MFSD2B: variants seen among roughly 807,000 people sequenced by gnomAD.
MFSD2B encodes MFSD2 lysolipid transporter B, sphingolipid, also known as sphingosine-1-phosphate transporter MFSD2B.
In MFSD2B, 56 loss-of-function variants were observed where a neutral mutation model predicts 58.4. The ratio of observed to expected loss-of-function variants is 0.96; its 90% CI spans 0.77 to 1.20. The LOEUF (loss-of-function observed/expected upper bound fraction) is 1.20, where lower values mean the gene tolerates loss of function less well. Among genes scored for constraint, MFSD2B ranks in the 50% most tolerant of loss-of-function variants. The probability of loss-of-function intolerance (pLI) is 0.00; values close to 1 mark genes in which losing one functional copy is unlikely to be tolerated. For synonymous variants in MFSD2B, 287 were observed against 294.4 expected, an observed-to-expected ratio of 0.97 and a Z score of 0.26; for missense variants, 645 against 667.6, an observed-to-expected ratio of 0.97 and a Z score of 0.37.
Position 24,011,178 on chromosome 2 carries a change from C to A in MFSD2B, c.96+986C>A, listed in dbSNP as rs149347966. On this transcript the variant is annotated intron_variant, in intron 1 of 13. Transcript: ENST00000338315. The stretch of plus-strand genomic sequence containing the variant: ...GAGCCGCCCCTCCCAAGGGGCTTCT[C>A]CTTGTACAGCTCACTGTACAGCTGT... 2.4e-4 allele frequency among the ~76,000 whole-genome samples: 37 copies of A among 152,304 alleles called. 1 individual carries two copies. Among genetic ancestry groups the A allele is most frequent in the African/African-American group, 8.7e-4 (36 of 41,564 alleles).
At chr2:24,019,005 C>T (rs1254023749) in intron 6 of MFSD2B, among the ~76,000 whole-genome samples, 1 of 152,084 alleles carries the variant, frequency 6.6e-6, no homozygotes, top group African/African-American at 2.4e-5. Context: ...CATGCGCCAC[C>T]ACGCCTGGCT....
chr2:24,016,137 C>T lies in MFSD2B; in HGVS notation c.223-19C>T. 1 of 1,612,658 alleles carries T rather than the reference C, an allele frequency of 6.2e-7. No homozygotes were observed. Among genetic ancestry groups the T allele is most frequent in the Non-Finnish European group, 8.5e-7 (1 of 1,179,772 alleles). ...GCTGCTGGGCCTCAGCTCTCTATCC[C>T]CTCCCCTGTCTGTTTCAGATCCCTG... On this transcript the variant is annotated intron_variant, in intron 2 of 13. Transcript: ENST00000338315.
At chr2:24,010,572 GTGGCCTCGGCCTCCCTCCCAGACCC>G (rs1397171804) in intron 1 of MFSD2B, among the ~76,000 whole-genome samples, 6 of 152,198 alleles carry the variant, frequency 3.9e-5, no homozygotes, top group Non-Finnish European at 7.3e-5. Context: ...GGCAGCTGCT[GTGGCCTCGGCCTCCCTCCCAGACCC>G]TGGCCTCGCC....
In MFSD2B at chr2:24,021,662, C is replaced by G; in HGVS notation, c.696C>G (p.Cys232Trp). ...TVSPNAAHLY[C>W]IAAAVVVVTY... is the part of the protein sequence containing the mutation. ...CTGTCCCACAGGCCCATCTCTACTG[C>G]ATTGCGGCTGCCGTGGTTGTAGTGA... Residue 232 changes from cysteine to tryptophan, a missense_variant, in exon 7 of 14, where the codon TGC (cysteine) becomes TGG (tryptophan). Coordinates refer to ENST00000338315, the MANE Select transcript of MFSD2B (RefSeq NM_001346880.2). The surrounding 1 kb of genome is among the most constrained non-coding windows in gnomAD (Gnocchi z 5.7). 6.2e-7 allele frequency: 1 copy of G among 1,613,136 alleles called. No homozygotes were observed. The highest frequency in any genetic ancestry group is 8.5e-7 in the Non-Finnish European group (1 of 1,179,556).
chr2:24,014,354 A>C (rs954620458), intron 2 of MFSD2B, among the ~76,000 whole-genome samples: 2 of 152,082 alleles, frequency 1.3e-5, no homozygotes, highest in Non-Finnish European at 2.9e-5. Flanking sequence ...GGGTTTCGCC[A>C]TGTTGGCCAG....
chr2:24,016,018 G>A, intron 2 of MFSD2B, 138 bp from the exon 3 acceptor site: 3 of 1,063,790 alleles, frequency 2.8e-6, no homozygotes, highest in Non-Finnish European at 4.2e-6. Flanking sequence ...TCCTGGGGAA[G>A]GCTGAGGAGC....
intron 6 of MFSD2B, among the ~76,000 whole-genome samples, chr2:24,019,313 C>T (rs1482142075): frequency 3.9e-5 from 6 of 152,092 alleles, no homozygotes; most frequent in Middle Eastern, 3.2e-3. Flanking sequence ...TTCTAGGGAC[C>T]GGGCCCAGCA....
Position 24,022,111 on chromosome 2 carries a change from G to C in MFSD2B, c.894+141G>C. ...GCTCAGAGGGGCTGGTGCCGGGAGGGAGATCCCGGTAGGGCTTGTGGGAAT... is the reference window on the plus strand; with the variant it reads ...GCTCAGAGGGGCTGGTGCCGGGAGGCAGATCCCGGTAGGGCTTGTGGGAAT... On this transcript the variant is annotated intron_variant, in intron 8 of 13. Transcript: ENST00000338315. This position sits in a 1 kb window ranked among gnomAD's most constrained non-coding sequence, Gnocchi z 4.5. 1 of 1,026,338 alleles carries C rather than the reference G, an allele frequency of 9.7e-7. No homozygotes were observed. Among genetic ancestry groups the C allele is most frequent in the Non-Finnish European group, 1.4e-6 (1 of 691,904 alleles). The allele number at this position is 1,026,338 out of a possible 1,614,324, so 63.6% of individuals were successfully genotyped here. A position where few individuals can be genotyped will look rare whatever the true frequency, so the allele number is the denominator to read the frequency against.
intron 2 of MFSD2B, among the ~76,000 whole-genome samples, chr2:24,014,857 C>G (rs910125521): frequency 2.0e-5 from 3 of 152,154 alleles, no homozygotes; most frequent in Non-Finnish European, 4.4e-5. Flanking sequence ...TGGTGGCTCA[C>G]AGCTGTAATC....
At position 24,023,429 on chromosome 2, in the gene MFSD2B, G is replaced by A. The variant is rs1178459071; in HGVS notation, c.1170-154G>A. ...GGGGCCGGCAGGGGGCTGGCGGGGG[G>A]TACGAGCACACAGGCCATCTGCTTC... On this transcript the variant is annotated intron_variant, in intron 11 of 13. Coordinates refer to ENST00000338315, the MANE Select transcript of MFSD2B (RefSeq NM_001346880.2). This position sits in a 1 kb window ranked among gnomAD's most constrained non-coding sequence, Gnocchi z 5.0. 4 of 977,702 alleles carry A rather than the reference G, an allele frequency of 4.1e-6. No individual in the cohort carries two copies. In the Admixed American group the frequency reaches 9.2e-5, roughly 23 times the overall value. The allele number at this position is 977,702 out of a possible 1,614,324, so 60.6% of individuals were successfully genotyped here. A position where few individuals can be genotyped will look rare whatever the true frequency, so the allele number is the denominator to read the frequency against.
intron 2 of MFSD2B, among the ~76,000 whole-genome samples, chr2:24,015,785 T>C (rs748206859): frequency 1.6e-4 from 25 of 151,564 alleles, no homozygotes; most frequent in Non-Finnish European, 3.1e-4. Context: ...AGAATGTTTT[T>C]CTAATGAGTG....
Position 24,021,496 on chromosome 2 carries a change from G to T in MFSD2B, c.682-152G>T. 1 of 667,704 alleles carries T rather than the reference G, an allele frequency of 1.5e-6. No individual in the cohort carries two copies. 41.4% of individuals were successfully genotyped at this position (667,704 alleles called of 1,614,324 possible). On this transcript the variant is annotated intron_variant, in intron 6 of 13. Coordinates refer to ENST00000338315, the MANE Select transcript of MFSD2B (RefSeq NM_001346880.2). The surrounding 1 kb of genome is among the most constrained non-coding windows in gnomAD (Gnocchi z 5.7). Reference sequence around the variant, plus strand: ...CCGGGCCCGGAGAGCATGCTGTCCTGTGGGGTGATTGGGAGGTGGGGACCC... The same window carrying T: ...CCGGGCCCGGAGAGCATGCTGTCCTTTGGGGTGATTGGGAGGTGGGGACCC...
chr2:24,022,088 T>C lies in MFSD2B; in HGVS notation c.894+118T>C. On this transcript the variant is annotated intron_variant, in intron 8 of 13. Coordinates refer to ENST00000338315, the MANE Select transcript of MFSD2B (RefSeq NM_001346880.2). The surrounding 1 kb of genome is among the most constrained non-coding windows in gnomAD (Gnocchi z 4.5). ...GAGAAACCTGCGGCTGGCACATGGCTCAGAGGGGCTGGTGCCGGGAGGGAG... is the reference window on the plus strand; with the variant it reads ...GAGAAACCTGCGGCTGGCACATGGCCCAGAGGGGCTGGTGCCGGGAGGGAG... The C allele has an allele frequency of 8.1e-7, 1 of 1,227,054 alleles. No individual in the cohort carries two copies. Among genetic ancestry groups the C allele is most frequent in the South Asian group, 1.4e-5 (1 of 73,840 alleles). The allele number at this position is 1,227,054 out of a possible 1,614,324, so 76.0% of individuals were successfully genotyped here.
At position 24,022,897 on chromosome 2, in the gene MFSD2B, A is replaced by T. The variant is rs2150942531; in HGVS notation, c.1054A>T (p.Ile352Phe). The change falls in exon 10 of 14, where the codon ATC becomes TTC. Residue 352 changes from isoleucine (I) to phenylalanine (F), a missense_variant. Ile to Phe is a conservative substitution (Grantham distance 21). Transcript: ENST00000338315. The surrounding 1 kb of genome is among the most constrained non-coding windows in gnomAD (Gnocchi z 4.5). Reference protein sequence around the residue: ...RFGKKTSAFGIFAMVPFAILL... With the variant: ...RFGKKTSAFGFFAMVPFAILL... ...TGGGAAGAAGACGTCAGCCTTTGGG[A>T]TCTTTGTGAGTGAGGCGGGAATCAA... 2 of 1,609,944 alleles carry T rather than the reference A, an allele frequency of 1.2e-6. No individual in the cohort carries two copies. The highest frequency in any genetic ancestry group is 2.2e-5 in the East Asian group (1 of 44,844).
chr2:24,022,097 C>G lies in MFSD2B; in HGVS notation c.894+127C>G. 2 of 1,156,882 alleles carry G rather than the reference C, an allele frequency of 1.7e-6. No homozygotes were observed. The highest frequency in any genetic ancestry group is 2.5e-6 in the Non-Finnish European group (2 of 805,586). 71.7% of individuals were successfully genotyped at this position (1,156,882 alleles called of 1,614,324 possible). A position where few individuals can be genotyped will look rare whatever the true frequency, so the allele number is the denominator to read the frequency against. On this transcript the variant is annotated intron_variant, in intron 8 of 13. Coordinates refer to ENST00000338315, the MANE Select transcript of MFSD2B (RefSeq NM_001346880.2). This position sits in a 1 kb window ranked among gnomAD's most constrained non-coding sequence, Gnocchi z 4.5. ...GCGGCTGGCACATGGCTCAGAGGGG[C>G]TGGTGCCGGGAGGGAGATCCCGGTA...
rs760817247 is a variant in MFSD2B at position 24,021,988 on chromosome 2, C to T, written c.894+18C>T. ...CTGTTCAGGTACCTCTGGCCAGCTG[C>T]CCCCGACAGGCTTGGTGCTGGCCAT... On this transcript the variant is annotated intron_variant, in intron 8 of 13. Coordinates refer to ENST00000338315, the MANE Select transcript of MFSD2B (RefSeq NM_001346880.2). This position sits in a 1 kb window ranked among gnomAD's most constrained non-coding sequence, Gnocchi z 5.7. 14 of 1,613,704 alleles carry T rather than the reference C, an allele frequency of 8.7e-6. No individual in the cohort carries two copies. In the Admixed American group the frequency reaches 2.0e-4, roughly 23 times the overall value.
In MFSD2B at chr2:24,022,884, G is replaced by A. The variant is rs761690403; in HGVS notation, c.1041G>A (p.Thr347=). The change falls in exon 10 of 14, where the codon ACG becomes ACA. Residue 347 remains threonine (T), a synonymous_variant. Coordinates refer to ENST00000338315, the MANE Select transcript of MFSD2B (RefSeq NM_001346880.2). This position sits in a 1 kb window ranked among gnomAD's most constrained non-coding sequence, Gnocchi z 4.5. Reference sequence around the variant, plus strand: ...TTCTCCAGCGCTTTGGGAAGAAGACGTCAGCCTTTGGGATCTTTGTGAGTG... The same window carrying A: ...TTCTCCAGCGCTTTGGGAAGAAGACATCAGCCTTTGGGATCTTTGTGAGTG... ...EWVLQRFGKK[T]SAFGIFAMVP... 3.8e-5 allele frequency: 61 copies of A among 1,611,058 alleles called. No homozygotes were observed. The highest frequency in any genetic ancestry group is 5.5e-5 in the South Asian group (5 of 90,478).
Position 24,010,173 on chromosome 2 carries a change from G to A in MFSD2B, c.77G>A (p.Ser26Asn). Residue 26 changes from serine to asparagine, a missense_variant, in exon 1 of 14, where the codon AGC becomes AAC. Transcript: ENST00000338315. ...CACGCCCCAGAGCCCGGCCCGGGGA[G>A]CGCCAAGCGAGGGCGAGAGGTGAGC... ...EPHAPEPGPG[S>N]AKRGREDSRA... is the part of the protein sequence containing the mutation. The A allele has an allele frequency of 6.9e-7, 1 of 1,438,868 alleles. No homozygotes were observed. The allele number at this position is 1,438,868 out of a possible 1,614,324, so 89.1% of individuals were successfully genotyped here. A position where few individuals can be genotyped will look rare whatever the true frequency, so the allele number is the denominator to read the frequency against.
intron 1 of MFSD2B, among the ~76,000 whole-genome samples, chr2:24,011,038 C>T (rs1274000249): frequency 1.3e-5 from 2 of 152,202 alleles, no homozygotes; most frequent in African/African-American, 2.4e-5. Context: ...GAAGTTCCGG[C>T]GTGGAATCCT....
Sources: gnomAD v4.1 joint callset for allele counts (sites outside exome capture counted in the v4.1 genomes callset) on GRCh38, gnomAD v4.1.1 for gene constraint, Gnocchi (gnomAD v3.1) non-coding constraint, MANE v1.5 for transcripts, NCBI Gene and HGNC (gene_info 2026-07-23, HGNC 2026-07-21) for gene names.